The following KCNQ1 variants were observed in gnomAD, a reference collection of about 807,000 sequenced individuals.
The protein encoded by KCNQ1 is potassium voltage-gated channel subfamily Q member 1.
KCNQ1 carries 49 observed loss-of-function variants against 72.4 expected under a neutral mutation model. The observed-to-expected ratio is 0.68, with a 90% CI of 0.54 to 0.86. The LOEUF (loss-of-function observed/expected upper bound fraction) is 0.86. Among genes scored for constraint, KCNQ1 ranks in the 40% least tolerant of loss-of-function variants. KCNQ1 has a pLI of 0.00. For missense variants in KCNQ1, 790 were observed against 945.1 expected (o/e 0.84, Z 2.15); for synonymous variants, 450 against 412.6 (o/e 1.09, Z -1.10).
At chr11:2,591,195 G>A (rs769004370) in intron 10 of KCNQ1, among the ~76,000 whole-genome samples, 6 of 152,212 alleles carry the variant, frequency 3.9e-5, no homozygotes, top group African/African-American at 1.4e-4. Context: ...AGCCCAGCCC[G>A]CCAAGCTCCA....
At position 2,713,990 on chromosome 11, in the gene KCNQ1, G is replaced by C. The variant is rs1197857116; in HGVS notation, c.1514+51909G>C. Among the ~76,000 whole-genome samples, 2 of 152,232 alleles carry C rather than the reference G, an allele frequency of 1.3e-5. No individual in the cohort carries two copies. The highest frequency in any genetic ancestry group is 4.8e-5 in the African/African-American group (2 of 41,472). ...GGGAGCTCCAGGTGGCTGCCACTCA[G>C]GGGTGTGTGGGGGGCGCCTTGGGGC... On this transcript the variant is annotated intron_variant, in intron 11 of 15. Transcript: ENST00000155840. This position sits in a 1 kb window ranked among gnomAD's most constrained non-coding sequence, Gnocchi z 5.6.
intron 11 of KCNQ1, among the ~76,000 whole-genome samples, chr11:2,751,626 T>A (rs1316036156): frequency 2.0e-5 from 3 of 152,278 alleles, no homozygotes; most frequent in African/African-American, 7.2e-5. Context: ...GACCCTCGTC[T>A]GACAGGCGGC....
chr11:2,487,936 C>T (rs1846769176), intron 1 of KCNQ1, among the ~76,000 whole-genome samples: 1 of 151,946 alleles, frequency 6.6e-6, no homozygotes, highest in African/African-American at 2.4e-5. Context: ...AAGTGGTCAC[C>T]CTGGCCTTAT....
In KCNQ1 at chr11:2,571,373, AG is replaced by A; in HGVS notation, c.657del (p.Gln220ArgfsTer17). 6.2e-7 allele frequency: 1 copy of A among 1,612,764 alleles called. No homozygotes were observed. Among genetic ancestry groups the A allele is most frequent in the East Asian group, 2.2e-5 (1 of 44,870 alleles). On this transcript the variant is annotated frameshift_variant, in exon 4 of 16. Transcript: ENST00000155840. LOFTEE classifies it high-confidence loss of function. ...ASMVVLCVGS[K>X]GQVFATSAIR... ...ATGGTGGTCCTCTGCGTGGGCTCCA[AG>A]GGGCAGGTGTTTGCCACGTCGGCCA...
intron 11 of KCNQ1, chr11:2,686,743 T>C (rs1176373054): frequency 1.8e-5 from 7 of 398,532 alleles, no homozygotes; most frequent in Non-Finnish European, 2.7e-5. Flanking sequence ...CCAGGACCAG[T>C]AGCTTTCAAT....
rs1359275160 is a variant in KCNQ1, at chr11:2,627,254, T to C, written c.1394-34707T>C. The C allele has an allele frequency of 5.0e-6, 2 of 398,450 alleles. No homozygotes were observed. Among genetic ancestry groups the C allele is most frequent in the Non-Finnish European group, 8.8e-6 (2 of 226,056 alleles). The allele number at this position is 398,450 out of a possible 1,614,324, so 24.7% of individuals were successfully genotyped here. On this transcript the variant is annotated intron_variant, in intron 10 of 15. Coordinates refer to ENST00000155840, the MANE Select transcript of KCNQ1 (RefSeq NM_000218.3). This position sits in a 1 kb window ranked among gnomAD's most constrained non-coding sequence, Gnocchi z 4.9. ...AGAACATATTTGACCTACTGTGAAA[T>C]GATTACTACAATCAAGCCAATTAAC...
In KCNQ1 at chr11:2,725,715, G is replaced by T. The variant is rs1241052681; in HGVS notation, c.1515-43129G>T. Among the ~76,000 whole-genome samples the T allele has an allele frequency of 6.6e-6, 1 of 152,192 alleles. No individual in the cohort carries two copies. Among genetic ancestry groups the T allele is most frequent in the African/African-American group, 2.4e-5 (1 of 41,444 alleles). On this transcript the variant is annotated intron_variant, in intron 11 of 15. Transcript: ENST00000155840. The surrounding 1 kb of genome is among the most constrained non-coding windows in gnomAD (Gnocchi z 7.2). Reference sequence around the variant, plus strand: ...TCCAGCCGAGGGCAGCCTGGGGAAGGTACGAGAGATCACTGGGCTTTGTGA... The same window carrying T: ...TCCAGCCGAGGGCAGCCTGGGGAAGTTACGAGAGATCACTGGGCTTTGTGA...
At chr11:2,560,272 C>T (rs973520947) in intron 2 of KCNQ1, among the ~76,000 whole-genome samples, 1 of 17,734 alleles carries the variant, frequency 5.6e-5, no homozygotes, top group South Asian at 2.9e-3. Context: ...GGAGTGGGGG[C>T]GGTGACGTCC....
Position 2,566,333 on chromosome 11 carries a change from C to T in KCNQ1, c.478-4295C>T, listed in dbSNP as rs1848246916. Among the ~76,000 whole-genome samples, 2 of 152,218 alleles carry T rather than the reference C, an allele frequency of 1.3e-5. No homozygotes were observed. The highest frequency in any genetic ancestry group is 2.4e-5 in the African/African-American group (1 of 41,448). The stretch of plus-strand genomic sequence containing the variant: ...GGTCAGCCCTCCATGGCAGGCCTGG[C>T]CTCACCTGCCAGTGTCCTCTCCCAC... On this transcript the variant is annotated intron_variant, in intron 2 of 15. Coordinates refer to ENST00000155840, the MANE Select transcript of KCNQ1 (RefSeq NM_000218.3). The surrounding 1 kb of genome is among the most constrained non-coding windows in gnomAD (Gnocchi z 6.7).
intron 2 of KCNQ1, among the ~76,000 whole-genome samples, chr11:2,552,840 A>G (rs1848003936): frequency 6.6e-6 from 1 of 152,226 alleles, no homozygotes; most frequent in Non-Finnish European, 1.5e-5. Context: ...CCAGTGCCTC[A>G]TGCACGTCTT....
chr11:2,679,190 T>C lies in KCNQ1; in HGVS notation c.1514+17109T>C, dbSNP rs1850344810. ...GTTTCCATGTCTGAGTTAGGCCACC[T>C]GTAACAATGCAGCCCCATCCATGTG... On this transcript the variant is annotated intron_variant, in intron 11 of 15. Coordinates refer to ENST00000155840, the MANE Select transcript of KCNQ1 (RefSeq NM_000218.3). The surrounding 1 kb of genome is among the most constrained non-coding windows in gnomAD (Gnocchi z 4.8). 5 of 398,538 alleles carry C rather than the reference T, an allele frequency of 1.3e-5. No individual in the cohort carries two copies. The highest frequency in any genetic ancestry group is 8.8e-5 in the Admixed American group (2 of 22,714). The allele number at this position is 398,538 out of a possible 1,614,324, so 24.7% of individuals were successfully genotyped here. A position where few individuals can be genotyped will look rare whatever the true frequency, so the allele number is the denominator to read the frequency against.
rs1847121043 is a variant in KCNQ1 at position 2,507,284 on chromosome 11, C to A, written c.387-20644C>A. Among the ~76,000 whole-genome samples the A allele has an allele frequency of 6.6e-6, 1 of 152,174 alleles. No individual in the cohort carries two copies. Among genetic ancestry groups the A allele is most frequent in the East Asian group, 1.9e-4 (1 of 5,180 alleles). ...CTGAGACCTCTTCCTTAGAAGTTCA[C>A]CCCACTGGCTGGGGCCTTCACGAGG... On this transcript the variant is annotated intron_variant, in intron 1 of 15. Transcript: ENST00000155840. The surrounding 1 kb of genome is among the most constrained non-coding windows in gnomAD (Gnocchi z 5.4).
chr11:2,627,267 C>G lies in KCNQ1; in HGVS notation c.1394-34694C>G. ...CCTACTGTGAAATGATTACTACAAT[C>G]AAGCCAATTAACATATACCTTACAT... On this transcript the variant is annotated intron_variant, in intron 10 of 15. Coordinates refer to ENST00000155840, the MANE Select transcript of KCNQ1 (RefSeq NM_000218.3). This position sits in a 1 kb window ranked among gnomAD's most constrained non-coding sequence, Gnocchi z 4.9. 1 of 398,482 alleles carries G rather than the reference C, an allele frequency of 2.5e-6. No homozygotes were observed. Among genetic ancestry groups the G allele is most frequent in the East Asian group, 3.6e-5 (1 of 28,056 alleles). The allele number at this position is 398,482 out of a possible 1,614,324, so 24.7% of individuals were successfully genotyped here.
In KCNQ1 at chr11:2,468,955, G is replaced by C. The variant is rs1367023628; in HGVS notation, c.386+23471G>C. Among the ~76,000 whole-genome samples the C allele has an allele frequency of 6.6e-6, 1 of 152,196 alleles. No individual in the cohort carries two copies. Among genetic ancestry groups the C allele is most frequent in the Admixed American group, 6.5e-5 (1 of 15,290 alleles). On this transcript the variant is annotated intron_variant, in intron 1 of 15. Coordinates refer to ENST00000155840, the MANE Select transcript of KCNQ1 (RefSeq NM_000218.3). The surrounding 1 kb of genome is among the most constrained non-coding windows in gnomAD (Gnocchi z 5.7). Reference sequence around the variant, plus strand: ...GGGAAGTGGAACGGCTGTGTCATGGGGTGGGTGAGGGCTTCACTTTCTAGG... The same window carrying C: ...GGGAAGTGGAACGGCTGTGTCATGGCGTGGGTGAGGGCTTCACTTTCTAGG...
At chr11:2,770,329 T>C (rs1846571188) in intron 12 of KCNQ1, among the ~76,000 whole-genome samples, 1 of 152,178 alleles carries the variant, frequency 6.6e-6, no homozygotes, top group Admixed American at 6.5e-5. Flanking sequence ...AATGAGAGCC[T>C]AAGGGTTTGG....
chr11:2,795,050 C>T (rs992692771), intron 15 of KCNQ1, among the ~76,000 whole-genome samples: 1 of 152,164 alleles, frequency 6.6e-6, no homozygotes, highest in African/African-American at 2.4e-5. Flanking sequence ...CTGTGGTTGG[C>T]GGGGGTCCAA....
intron 12 of KCNQ1, among the ~76,000 whole-genome samples, chr11:2,774,196 A>G (rs2133987169): frequency 6.6e-6 from 1 of 152,392 alleles, no homozygotes; most frequent in Admixed American, 6.5e-5. Context: ...TTCCCATATT[A>G]CAGGAGAAAC....
At chr11:2,629,451 T>C (rs1340780243) in intron 10 of KCNQ1, 2 of 398,410 alleles carry the variant, frequency 5.0e-6, no homozygotes, top group African/African-American at 4.1e-5. Context: ...TCTAAGAGTT[T>C]TATAGTTTTA....
rs545394716 is a variant in KCNQ1, at chr11:2,475,117, G to A, written c.386+29633G>A. On this transcript the variant is annotated intron_variant, in intron 1 of 15. Coordinates refer to ENST00000155840, the MANE Select transcript of KCNQ1 (RefSeq NM_000218.3). This position sits in a 1 kb window ranked among gnomAD's most constrained non-coding sequence, Gnocchi z 5.8. ...TAATTCCTGAACATTTCCATCATCC[G>A]CAAGAGGAAATTAGCAGTCACCCCT... Among the ~76,000 whole-genome samples, 6 of 152,190 alleles carry A rather than the reference G, an allele frequency of 3.9e-5. No individual in the cohort carries two copies. Among genetic ancestry groups the A allele is most frequent in the African/African-American group, 7.2e-5 (3 of 41,506 alleles).
Sources: gnomAD v4.1 joint callset for allele counts (sites outside exome capture counted in the v4.1 genomes callset) on GRCh38, gnomAD v4.1.1 for gene constraint, Gnocchi (gnomAD v3.1) non-coding constraint, MANE v1.5 for transcripts, NCBI Gene and HGNC (gene_info 2026-07-23, HGNC 2026-07-21) for gene names.